Variants in SKAP1 observed in about 807,000 individuals in gnomAD.
SKAP1 encodes the protein src kinase-associated phosphoprotein 1.
A neutral mutation model predicts 58.5 loss-of-function variants in SKAP1; 44 were observed. That is an observed-to-expected ratio of 0.75 (90% CI 0.59 to 0.97). The LOEUF is 0.97. SKAP1 is among the 50% of genes least tolerant of loss of function. The pLI, the probability that SKAP1 is intolerant of heterozygous loss-of-function variation, is 0.00. For missense variants in SKAP1, 390 were observed against 435.2 expected (o/e 0.90, Z 0.92); for synonymous variants, 127 against 149.7 (o/e 0.85, Z 1.11).
chr17:48,213,606 G>C (rs2064901712), intron 4 of SKAP1, among the ~76,000 whole-genome samples: 1 of 152,074 alleles, frequency 6.6e-6, no homozygotes, highest in Admixed American at 6.6e-5. Context: ...CAAGGTTTAG[G>C]GCTCTCCGTC....
At chr17:48,248,103 A>G (rs1418491407) in intron 4 of SKAP1, among the ~76,000 whole-genome samples, 1 of 152,228 alleles carries the variant, frequency 6.6e-6, no homozygotes, top group African/African-American at 2.4e-5. Context: ...GGTCATGATA[A>G]AAGAGGCCAA....
intron 3 of SKAP1, among the ~76,000 whole-genome samples, chr17:48,359,058 T>TATACTAGA (rs1475690178): frequency 1.3e-5 from 2 of 152,210 alleles, no homozygotes; most frequent in Non-Finnish European, 2.9e-5. Context: ...TATGCATTAA[T>TATACTAGA]ATACTAGATC....
intron 3 of SKAP1, among the ~76,000 whole-genome samples, chr17:48,349,898 C>T (rs986107513): frequency 1.3e-5 from 2 of 152,006 alleles, no homozygotes; most frequent in African/African-American, 4.8e-5. Flanking sequence ...ATGAGTTTTC[C>T]CCCTTAATTC....
At chr17:48,210,006 C>A (rs528891353) in intron 4 of SKAP1, among the ~76,000 whole-genome samples, 1 of 152,156 alleles carries the variant, frequency 6.6e-6, no homozygotes, top group East Asian at 1.9e-4. Flanking sequence ...GCACATTAAT[C>A]GAGATATTCT....
intron 1 of SKAP1, among the ~76,000 whole-genome samples, chr17:48,429,365 G>A (rs780640621): frequency 2.6e-5 from 4 of 152,214 alleles, no homozygotes; most frequent in Admixed American, 6.5e-5. Context: ...GAGTGTTGAC[G>A]GGGATGGCCG....
chr17:48,216,454 C>G (rs947970613), intron 4 of SKAP1, among the ~76,000 whole-genome samples: 1 of 151,704 alleles, frequency 6.6e-6, no homozygotes, highest in Non-Finnish European at 1.5e-5. Context: ...ACTAAGTACC[C>G]TATGTCCACT....
intron 4 of SKAP1, among the ~76,000 whole-genome samples, chr17:48,238,241 G>A (rs1298190907): frequency 6.6e-6 from 1 of 151,920 alleles, no homozygotes; most frequent in Admixed American, 6.6e-5. Flanking sequence ...TGATCCACCC[G>A]TCTCAGCCTC....
chr17:48,358,431 T>C (rs2066902107), intron 3 of SKAP1, among the ~76,000 whole-genome samples: 1 of 152,208 alleles, frequency 6.6e-6, no homozygotes, highest in Admixed American at 6.5e-5. Flanking sequence ...CATAACTACA[T>C]GCTCCAAGTA....
intron 4 of SKAP1, among the ~76,000 whole-genome samples, chr17:48,210,735 A>G (rs1050954307): frequency 6.6e-6 from 1 of 152,244 alleles, no homozygotes; most frequent in Admixed American, 6.5e-5. Flanking sequence ...GAAATACTAA[A>G]GAAATTATTA....
At chr17:48,341,519 AG>A (rs2066652055) in intron 4 of SKAP1, among the ~76,000 whole-genome samples, 1 of 152,194 alleles carries the variant, frequency 6.6e-6, no homozygotes, top group Non-Finnish European at 1.5e-5. Flanking sequence ...CTGTAAAAAA[AG>A]GGTTCTTTTT....
At chr17:48,134,065 T>C (rs2063670300) in intron 12 of SKAP1, among the ~76,000 whole-genome samples, 1 of 108,424 alleles carries the variant, frequency 9.2e-6, no homozygotes, top group African/African-American at 5.0e-5. Flanking sequence ...GCTGTTTTAT[T>C]TTTTTTAAAC....
At chr17:48,261,647 G>T (rs1343830768) in intron 4 of SKAP1, among the ~76,000 whole-genome samples, 3 of 152,092 alleles carry the variant, frequency 2.0e-5, no homozygotes, top group African/African-American at 4.8e-5. Context: ...AAATTCCAAA[G>T]CAAGGGCCAT....
chr17:48,321,767 C>T (rs1053052658), intron 4 of SKAP1, among the ~76,000 whole-genome samples: 14 of 152,298 alleles, frequency 9.2e-5, no homozygotes, highest in South Asian at 6.2e-4. Context: ...CAGCACTGCT[C>T]ACCAACACCA....
intron 1 of SKAP1, among the ~76,000 whole-genome samples, chr17:48,398,446 T>G (rs2067449883): frequency 6.6e-6 from 1 of 151,986 alleles, no homozygotes; most frequent in Admixed American, 6.6e-5. Flanking sequence ...GTTGTATAAT[T>G]TTTTCATTAT....
intron 4 of SKAP1, among the ~76,000 whole-genome samples, chr17:48,299,551 T>C (rs2066030818): frequency 6.6e-6 from 1 of 151,850 alleles, no homozygotes; most frequent in Non-Finnish European, 1.5e-5. Context: ...TTCTTTAGGA[T>C]ATGACAGAAT....
At chr17:48,399,913 A>G (rs76687264) in intron 1 of SKAP1, among the ~76,000 whole-genome samples, 14,077 of 152,152 alleles carry the variant, frequency 0.093, 999 homozygotes, top group African/African-American at 0.17. Context: ...ACTAAGCAAG[A>G]AAATGAAATA....
intron 4 of SKAP1, among the ~76,000 whole-genome samples, chr17:48,314,272 T>C (rs747498009): frequency 1.3e-5 from 2 of 152,208 alleles, no homozygotes; most frequent in Non-Finnish European, 2.9e-5. Context: ...TTTTGCATCA[T>C]ATCCCTACTG....
Position 48,282,729 on chromosome 17 carries a change from G to A in SKAP1, c.280+63176C>T, listed in dbSNP as rs574170560. ...GTCAAGGTTGCAGTGAGCCAAGGTC[G>A]TCTCGCTGCACTGCTGCTGCCTCAG... On this transcript the variant is annotated intron_variant, in intron 4 of 12. Transcript: ENST00000336915. 2.6e-4 allele frequency among the ~76,000 whole-genome samples: 39 copies of A among 152,046 alleles called. No individual in the cohort carries two copies. In the South Asian group the frequency reaches 2.7e-3, roughly 11 times the overall value.
intron 6 of SKAP1, among the ~76,000 whole-genome samples, chr17:48,186,307 T>C (rs2064450134): frequency 6.6e-6 from 1 of 152,038 alleles, no homozygotes; most frequent in African/African-American, 2.4e-5. Flanking sequence ...CAAACAGGGC[T>C]TTAGCCTTTG....
Sources: gnomAD v4.1 joint callset for allele counts (sites outside exome capture counted in the v4.1 genomes callset) on GRCh38, gnomAD v4.1.1 for gene constraint, MANE v1.5 for transcripts, NCBI Gene and HGNC (gene_info 2026-07-23, HGNC 2026-07-21) for gene names.